METTL22: variants seen among roughly 807,000 people sequenced by gnomAD.
METTL22 encodes the protein methyltransferase 22, Kin17 lysine, also known as methyltransferase-like protein 22.
In METTL22, 51 loss-of-function variants were observed where a neutral mutation model predicts 48.4. The observed-to-expected ratio is 1.05, with a 90% CI of 0.84 to 1.33. METTL22 has a LOEUF of 1.33. Ranked by LOEUF, METTL22 falls within the 40% of genes most tolerant of loss-of-function variation. The pLI, the probability that METTL22 is intolerant of heterozygous loss-of-function variation, is 0.00. For synonymous variants in METTL22, 255 were observed against 214.1 expected, an observed-to-expected ratio of 1.19 and a Z score of -1.67; for missense variants, 678 against 526.9, an observed-to-expected ratio of 1.29 and a Z score of -2.81.
At position 8,635,023 on chromosome 16, in the gene METTL22, T is replaced by A. The variant is rs887843542; in HGVS notation, c.515-16T>A. The A allele has an allele frequency of 6.2e-7, 1 of 1,613,230 alleles. No homozygotes were observed. The highest frequency in any genetic ancestry group is 1.3e-5 in the African/African-American group (1 of 75,018). ...ATTTCACAGTGGGCATTTCTCTTGGTTTCTGTCCCATCCAGAGCACACCAT... is the reference window on the plus strand; with the variant it reads ...ATTTCACAGTGGGCATTTCTCTTGGATTCTGTCCCATCCAGAGCACACCAT... On this transcript the variant is annotated splice_polypyrimidine_tract_variant and intron_variant, in intron 3 of 10. Transcript: ENST00000381920.
chr16:8,665,686 T>C, the METTL22 span, among the ~76,000 whole-genome samples: 1 of 152,174 alleles, frequency 6.6e-6, no homozygotes, highest in Non-Finnish European at 1.5e-5. Context: ...ATTAAACACA[T>C]CCTGAGCCCT....
chr16:8,632,878 G>A (rs1471212835), intron 3 of METTL22, among the ~76,000 whole-genome samples: 5 of 152,212 alleles, frequency 3.3e-5, no homozygotes, highest in African/African-American at 2.4e-5. Context: ...ATTGAGGACA[G>A]CTGGGAGGCA....
At chr16:8,627,268 G>A (rs756508058) in intron 2 of METTL22, among the ~76,000 whole-genome samples, 7 of 152,120 alleles carry the variant, frequency 4.6e-5, no homozygotes, top group Non-Finnish European at 1.0e-4. Flanking sequence ...TGGTCTGTGA[G>A]GCCAGCCTGA....
intron 2 of METTL22, among the ~76,000 whole-genome samples, chr16:8,626,852 C>T (rs1408951509): frequency 1.2e-4 from 18 of 148,524 alleles, no homozygotes; most frequent in Admixed American, 6.8e-4. Context: ...CTGCAAGCTC[C>T]GCCTCCCGGG....
At chr16:8,651,162 C>T (rs9932333), downstream of METTL22, among the ~76,000 whole-genome samples, 150,037 of 151,928 alleles carry the variant, frequency 0.99, 74,117 homozygotes, top group Middle Eastern at 1. Context: ...CCGAGGTGGG[C>T]AGATCATGAG....
chr16:8,654,360 A>G (rs1042764863), downstream of METTL22, among the ~76,000 whole-genome samples: 3 of 152,218 alleles, frequency 2.0e-5, no homozygotes, highest in Non-Finnish European at 2.9e-5. Context: ...GTATGTGTTT[A>G]TAGGTGGAAA....
At chr16:8,625,388 TATAA>T (rs1333590236) in intron 1 of METTL22, 104 bp from the exon 2 acceptor site, 10 of 245,144 alleles carry the variant, frequency 4.1e-5, no homozygotes, top group African/African-American at 2.0e-4. Flanking sequence ...TATCCCTTTC[TATAA>T]ATAAAAGGTT....
In METTL22 at chr16:8,646,182, T is replaced by A. The variant is rs2056796190; in HGVS notation, c.*39T>A. 1 of 1,611,310 alleles carries A rather than the reference T, an allele frequency of 6.2e-7. No individual in the cohort carries two copies. Among genetic ancestry groups the A allele is most frequent in the Non-Finnish European group, 8.5e-7 (1 of 1,177,696 alleles). On this transcript the variant is annotated 3_prime_UTR_variant, in exon 11 of 11. Transcript: ENST00000381920. Reference sequence around the variant, plus strand: ...CAAGGCGCGGCGTCTCGACTGTTCTTAGAGTGTATTTCTAGTAAAATCAGA... The same window carrying A: ...CAAGGCGCGGCGTCTCGACTGTTCTAAGAGTGTATTTCTAGTAAAATCAGA...
chr16:8,653,592 G>T (rs968662771), downstream of METTL22, among the ~76,000 whole-genome samples: 34 of 152,212 alleles, frequency 2.2e-4, no homozygotes, highest in African/African-American at 7.7e-4. Flanking sequence ...AATTAATAAG[G>T]CAATCAGTCT....
chr16:8,662,933 C>T, the METTL22 span, among the ~76,000 whole-genome samples: 9 of 144,200 alleles, frequency 6.2e-5, no homozygotes, highest in African/African-American at 2.1e-4. Context: ...CATCACCAGG[C>T]GTGGTGGCTC....
At chr16:8,658,045 G>A in the METTL22 span, among the ~76,000 whole-genome samples, 5 of 152,132 alleles carry the variant, frequency 3.3e-5, no homozygotes, top group Non-Finnish European at 7.4e-5. Context: ...TCAAACTCCC[G>A]AGTTCAAGCA....
intron 5 of METTL22, among the ~76,000 whole-genome samples, chr16:8,636,056 A>T (rs1596349838): frequency 6.6e-6 from 1 of 152,042 alleles, no homozygotes; most frequent in African/African-American, 2.4e-5. Context: ...CTTTTAGTGG[A>T]CCTTCCACTC....
chr16:8,645,854 T>G lies in METTL22; in HGVS notation c.1180-254T>G, dbSNP rs965509968. 4 of 1,203,026 alleles carry G rather than the reference T, an allele frequency of 3.3e-6. No homozygotes were observed. The East Asian group carries it at 1.1e-4, about 34-fold the overall frequency. 74.5% of individuals were successfully genotyped at this position (1,203,026 alleles called of 1,614,324 possible). A position where few individuals can be genotyped will look rare whatever the true frequency, so the allele number is the denominator to read the frequency against. ...CACTGCTATTCTGGTCTCTTCTGAT[T>G]GTTTGACATCCTCTGATGCACCTTC... On this transcript the variant is annotated intron_variant, in intron 10 of 10. Transcript: ENST00000381920.
intron 1 of METTL22, among the ~76,000 whole-genome samples, chr16:8,622,271 A>G (rs72766456): frequency 0.1 from 15,642 of 152,246 alleles, 897 homozygotes; most frequent in South Asian, 0.17. Context: ...AGTGAGTTGC[A>G]GTTATCAGAA....
intron 3 of METTL22, among the ~76,000 whole-genome samples, chr16:8,633,196 C>G (rs1472162957): frequency 1.3e-5 from 2 of 152,176 alleles, no homozygotes; most frequent in African/African-American, 4.8e-5. Context: ...AGCCTTCAGC[C>G]TGCCCAGCGA....
the METTL22 span, among the ~76,000 whole-genome samples, chr16:8,664,182 G>T: frequency 6.6e-6 from 1 of 151,774 alleles, no homozygotes. Context: ...CCGGCTCCTG[G>T]ACTCAAGCGA....
intron 9 of METTL22, among the ~76,000 whole-genome samples, chr16:8,643,716 C>G (rs1306090361): frequency 6.6e-6 from 1 of 152,158 alleles, no homozygotes; most frequent in Non-Finnish European, 1.5e-5. Context: ...CGGGTTCACA[C>G]CATTCTCCTG....
chr16:8,651,946 G>C (rs528190974), downstream of METTL22, among the ~76,000 whole-genome samples: 3 of 152,138 alleles, frequency 2.0e-5, no homozygotes, highest in Non-Finnish European at 4.4e-5. Context: ...GGGTTGATAG[G>C]TGCAGCAAAC....
intron 5 of METTL22, 79 bp from the exon 6 acceptor site, chr16:8,639,012 A>G (rs2056508765): frequency 7.4e-7 from 1 of 1,343,164 alleles, no homozygotes; most frequent in African/African-American, 2.3e-5. Flanking sequence ...TGTTGATCAC[A>G]GCTCTCTCTA....
Sources: gnomAD v4.1 joint callset for allele counts (sites outside exome capture counted in the v4.1 genomes callset) on GRCh38, gnomAD v4.1.1 for gene constraint, MANE v1.5 for transcripts, NCBI Gene and HGNC (gene_info 2026-07-23, HGNC 2026-07-21) for gene names.